Variants in ACVR1C observed in about 807,000 individuals in gnomAD.
ACVR1C encodes activin A receptor type 1C.
Under a neutral mutation model 57.9 loss-of-function variants are expected in ACVR1C, and 23 were observed. The observed-to-expected ratio is 0.40, with a 90% CI of 0.29 to 0.56. The LOEUF is 0.56. Ranked by LOEUF, ACVR1C falls within the 20% of genes least tolerant of loss-of-function variation. ACVR1C has a pLI of 0.50. For missense variants in ACVR1C, 480 were observed against 607.9 expected, an observed-to-expected ratio of 0.79 and a Z score of 2.21; for synonymous variants, 214 against 215.3, an observed-to-expected ratio of 0.99 and a Z score of 0.05.
At chr2:157,612,407 G>A (rs748955251) in intron 1 of ACVR1C, among the ~76,000 whole-genome samples, 1 of 152,062 alleles carries the variant, frequency 6.6e-6, no homozygotes, top group South Asian at 2.1e-4. Flanking sequence ...GTGAGGGACA[G>A]GACCCCACTC....
At chr2:157,582,171 T>C in intron 2 of ACVR1C, among the ~76,000 whole-genome samples, 1 of 152,110 alleles carries the variant, frequency 6.6e-6, no homozygotes, top group East Asian at 1.9e-4. Context: ...ATTTTTTTTT[T>C]GAAATTAGCC....
intron 8 of ACVR1C, among the ~76,000 whole-genome samples, chr2:157,534,419 T>C (rs891648817): frequency 6.6e-6 from 1 of 152,132 alleles, no homozygotes; most frequent in Non-Finnish European, 1.5e-5. Context: ...ATACTAACCT[T>C]GTAGAGACTA....
At chr2:157,620,168 G>C (rs1235796815) in intron 1 of ACVR1C, among the ~76,000 whole-genome samples, 2 of 152,008 alleles carry the variant, frequency 1.3e-5, no homozygotes, top group Non-Finnish European at 2.9e-5. Flanking sequence ...TTTTCAAAAA[G>C]AGTTTCATTC....
Position 157,556,111 on chromosome 2 carries a change from C to T in ACVR1C, c.526G>A (p.Ala176Thr), listed in dbSNP as rs1169651326. ...TLKDLIYDVT[A>T]SGSGSGLPLL... ...AACATACCAGAGCCAGATCCAGAGG[C>T]GGTCACATCATAAATCAGATCTTTC... Residue 176 changes from alanine to threonine, a missense_variant, in exon 3 of 9, where the codon GCC becomes ACC. Ala to Thr is a moderately conservative substitution (Grantham distance 58). Transcript: ENST00000243349. 5.0e-6 allele frequency: 8 copies of T among 1,613,914 alleles called. No individual in the cohort carries two copies. The highest frequency in any genetic ancestry group is 2.7e-5 in the African/African-American group (2 of 74,874).
chr2:157,565,471 C>T (rs1299974070), intron 2 of ACVR1C, among the ~76,000 whole-genome samples: 1 of 152,134 alleles, frequency 6.6e-6, no homozygotes, highest in Non-Finnish European at 1.5e-5. Flanking sequence ...CCAACATGCT[C>T]CATTTGCCAT....
rs1270637342 is a variant in ACVR1C at position 157,587,281 on chromosome 2, A to G, written c.210T>C (p.Asn70=). The G allele has an allele frequency of 1.8e-5, 29 of 1,613,632 alleles. 1 individual carries two copies. The South Asian group carries it at 3.0e-4, about 16-fold the overall frequency. ...IKSCVSLPEL[N]AQVFCHSSNN... ...TGGAACTATGACAGAAGACTTGAGCATTCAGTTCTGGAAGGGAGACACAGG... is the reference window on the plus strand; with the variant it reads ...TGGAACTATGACAGAAGACTTGAGCGTTCAGTTCTGGAAGGGAGACACAGG... Residue 70 remains asparagine, a synonymous_variant, in exon 2 of 9, where the codon AAT becomes AAC. Coordinates refer to ENST00000243349, the MANE Select transcript of ACVR1C (RefSeq NM_145259.3).
chr2:157,626,082 A>G (rs1286956335), intron 1 of ACVR1C, among the ~76,000 whole-genome samples: 2 of 152,130 alleles, frequency 1.3e-5, no homozygotes, highest in African/African-American at 4.8e-5. Flanking sequence ...ATTCTGTCTC[A>G]GCCTCCCAAG....
chr2:157,563,557 A>C (rs994217186), intron 2 of ACVR1C, among the ~76,000 whole-genome samples: 1 of 152,242 alleles, frequency 6.6e-6, no homozygotes, highest in African/African-American at 2.4e-5. Flanking sequence ...TAATCTACAG[A>C]TTCAATGCTA....
Position 157,533,959 on chromosome 2 carries a change from T to C in ACVR1C, c.1441A>G (p.Thr481Ala). 1 of 1,594,270 alleles carries C rather than the reference T, an allele frequency of 6.3e-7. No homozygotes were observed. Among genetic ancestry groups the C allele is most frequent in the Non-Finnish European group, 8.5e-7 (1 of 1,172,090 alleles). The change falls in exon 9 of 9, where the codon ACT becomes GCT. Residue 481 changes from threonine to alanine, a missense_variant. Thr to Ala is a moderately conservative substitution (Grantham distance 58). Coordinates refer to ENST00000243349, the MANE Select transcript of ACVR1C (RefSeq NM_145259.3). ...ARLTALRIKKTISQLCVKEDC... is the reference protein window; with the variant it reads ...ARLTALRIKKAISQLCVKEDC... ...TCTTTGACACAAAGTTGAGATATAGTCTTCTTAATACGAAGAGCAGTTAGG... is the reference window on the plus strand; with the variant it reads ...TCTTTGACACAAAGTTGAGATATAGCCTTCTTAATACGAAGAGCAGTTAGG...
At chr2:157,558,992 A>G (rs761553706) in intron 2 of ACVR1C, among the ~76,000 whole-genome samples, 10 of 152,250 alleles carry the variant, frequency 6.6e-5, no homozygotes, top group Non-Finnish European at 1.5e-4. Context: ...ATACATTTAC[A>G]TGACTAAATT....
intron 1 of ACVR1C, among the ~76,000 whole-genome samples, chr2:157,601,220 G>A (rs565430153): frequency 1.3e-5 from 2 of 152,146 alleles, no homozygotes; most frequent in East Asian, 1.9e-4. Context: ...AGGAGGCTGA[G>A]GCATGAGAAT....
chr2:157,533,956 T>C lies in ACVR1C; in HGVS notation c.1444A>G (p.Ile482Val), dbSNP rs7594480. The C allele has an allele frequency of 0.077, 123,263 of 1,591,998 alleles. 8,877 individuals are homozygous for C. The highest frequency in any genetic ancestry group is 0.38 in the African/African-American group (27,670 of 73,008). ...TCTTCTTTGACACAAAGTTGAGATA[T>C]AGTCTTCTTAATACGAAGAGCAGTT... ...RLTALRIKKT[I>V]SQLCVKEDCK... The change falls in exon 9 of 9, where the codon ATA (isoleucine) becomes GTA (valine). Residue 482 changes from isoleucine to valine, a missense_variant. Physicochemically the swap from Ile to Val is conservative, Grantham distance 29. Transcript: ENST00000243349.
At chr2:157,628,050 C>T (rs553057526) in intron 1 of ACVR1C, among the ~76,000 whole-genome samples, 1 of 152,322 alleles carries the variant, frequency 6.6e-6, no homozygotes, top group South Asian at 2.1e-4. Context: ...CTCTCGCCTC[C>T]ATAGCTTGGC....
At chr2:157,596,425 C>T (rs2105134278) in intron 1 of ACVR1C, among the ~76,000 whole-genome samples, 1 of 152,244 alleles carries the variant, frequency 6.6e-6, no homozygotes, top group African/African-American at 2.4e-5. Flanking sequence ...CACTCCTAAT[C>T]CCATAACCCC....
rs1687384522 is a variant in ACVR1C, at chr2:157,532,672, A to G, written c.*1246T>C. 1 of 152,284 alleles carries G rather than the reference A, an allele frequency of 6.6e-6. No individual in the cohort carries two copies. The highest frequency in any genetic ancestry group is 1.5e-5 in the Non-Finnish European group (1 of 68,002). The allele number at this position is 152,284 out of a possible 1,614,324, so 9.4% of individuals were successfully genotyped here. A position where few individuals can be genotyped will look rare whatever the true frequency, so the allele number is the denominator to read the frequency against. ...CAGAAAGTAGAATGAAGGCAAAACT[A>G]TCATGAGCATTCTTCTGTACTCACT... is the stretch of plus-strand genomic sequence containing the variant. On this transcript the variant is annotated 3_prime_UTR_variant, in exon 9 of 9. Transcript: ENST00000243349.
At chr2:157,596,129 G>A (rs1682101627) in intron 1 of ACVR1C, among the ~76,000 whole-genome samples, 1 of 152,160 alleles carries the variant, frequency 6.6e-6, no homozygotes, top group South Asian at 2.1e-4. Context: ...AAGTACAGAA[G>A]AAATTTTTGT....
intron 1 of ACVR1C, among the ~76,000 whole-genome samples, chr2:157,616,438 C>T (rs1224982780): frequency 6.6e-6 from 1 of 152,154 alleles, no homozygotes; most frequent in Non-Finnish European, 1.5e-5. Flanking sequence ...TACTGAAATG[C>T]TACAACTGTT....
At chr2:157,573,347 GCACCCACATTTTAATGT>G (rs1158469279) in intron 2 of ACVR1C, among the ~76,000 whole-genome samples, 4 of 152,042 alleles carry the variant, frequency 2.6e-5, no homozygotes, top group Non-Finnish European at 4.4e-5. Context: ...AGTTAATAAA[GCACCCACATTTTAATGT>G]TTTGTCATAT....
At chr2:157,625,423 T>C (rs1308509877) in intron 1 of ACVR1C, among the ~76,000 whole-genome samples, 1 of 152,180 alleles carries the variant, frequency 6.6e-6, no homozygotes, top group African/African-American at 2.4e-5. Context: ...CCAGGGAGCC[T>C]CTTGCCACAT....
Sources: allele counts gnomAD v4.1 joint callset (sites outside exome capture counted in the v4.1 genomes callset), GRCh38; gene constraint gnomAD v4.1.1; transcripts MANE v1.5; gene names NCBI Gene and HGNC (gene_info 2026-07-23, HGNC 2026-07-21).